The following LAMC1 variants were observed in gnomAD, a reference collection of about 807,000 sequenced individuals.
LAMC1 encodes the protein laminin subunit gamma 1, also known as laminin subunit gamma-1.
In LAMC1, 38 loss-of-function variants were observed where a neutral mutation model predicts 173.6. The ratio of observed to expected loss-of-function variants is 0.22; its 90% confidence interval spans 0.17 to 0.29. The LOEUF is 0.29. Among genes scored for constraint, LAMC1 ranks in the 10% least tolerant of loss-of-function variants. LAMC1 has a pLI of 1.00. For missense variants in LAMC1, 1,824 were observed against 2,051.8 expected, an observed-to-expected ratio of 0.89 and a Z score of 2.14; for synonymous variants, 746 against 749.1, an observed-to-expected ratio of 1.00 and a Z score of 0.07.
intron 1 of LAMC1, among the ~76,000 whole-genome samples, chr1:183,028,050 G>A (rs1653735528): frequency 6.6e-6 from 1 of 151,908 alleles, no homozygotes; most frequent in African/African-American, 2.4e-5. Flanking sequence ...CTGCTTTCCT[G>A]TTCTACAGTT....
chr1:183,028,791 C>T (rs372946589), intron 1 of LAMC1, among the ~76,000 whole-genome samples: 8 of 152,308 alleles, frequency 5.3e-5, no homozygotes, highest in African/African-American at 1.7e-4. Context: ...ATGCTGTTCA[C>T]GCTTCGTGGA....
chr1:183,103,746 A>G, intron 2 of LAMC1, 114 bp downstream of exon 2: 1 of 819,166 alleles, frequency 1.2e-6, no homozygotes, highest in South Asian at 2.2e-5. Flanking sequence ...TCAGAGTAGA[A>G]TACTTGAGCA....
chr1:183,059,541 C>T (rs1397507549), intron 1 of LAMC1, among the ~76,000 whole-genome samples: 1 of 152,116 alleles, frequency 6.6e-6, no homozygotes, highest in East Asian at 1.9e-4. Context: ...AATAACTAAC[C>T]CAGATTGTGT....
At chr1:183,095,859 A>T (rs976931888) in intron 1 of LAMC1, among the ~76,000 whole-genome samples, 1 of 152,226 alleles carries the variant, frequency 6.6e-6, no homozygotes, top group African/African-American at 2.4e-5. Flanking sequence ...TGTGCAGATT[A>T]GGATGAATTT....
At chr1:183,034,107 TA>T (rs1307468543) in intron 1 of LAMC1, among the ~76,000 whole-genome samples, 12 of 152,192 alleles carry the variant, frequency 7.9e-5, no homozygotes, top group African/African-American at 2.9e-4. Flanking sequence ...ACAAAGGACT[TA>T]TGTAAATAAG....
In LAMC1 at chr1:183,048,145, TG is replaced by T. The variant is rs1239370587; in HGVS notation, c.418+24012del. Among the ~76,000 whole-genome samples, 21 of 152,218 alleles carry T rather than the reference TG, an allele frequency of 1.4e-4. 1 individual carries two copies. Among genetic ancestry groups the T allele is most frequent in the Non-Finnish European group, 2.5e-4 (17 of 68,038 alleles). On this transcript the variant is annotated intron_variant, in intron 1 of 27. Transcript: ENST00000258341. ...TGTAAATAAAAGTGTTGATAGTAGC[TG>T]AAATTTTGAAATTTGCTTTCAACCA... is the stretch of plus-strand genomic sequence containing the variant.
At chr1:183,067,775 C>T (rs1654912144) in intron 1 of LAMC1, among the ~76,000 whole-genome samples, 1 of 152,180 alleles carries the variant, frequency 6.6e-6, no homozygotes, top group African/African-American at 2.4e-5. Context: ...CAGATGTGAG[C>T]CACCACGCCT....
chr1:183,097,540 T>C (rs916118331), intron 1 of LAMC1, among the ~76,000 whole-genome samples: 2 of 152,274 alleles, frequency 1.3e-5, no homozygotes, highest in African/African-American at 2.4e-5. Flanking sequence ...AAGATCCTTA[T>C]GGAATTTTTC....
At chr1:183,120,058 A>G (rs1213405843) in intron 11 of LAMC1, among the ~76,000 whole-genome samples, 1 of 150,466 alleles carries the variant, frequency 6.6e-6, no homozygotes, top group Non-Finnish European at 1.5e-5. Flanking sequence ...GGTCCTAGCT[A>G]CCTCGGAGGC....
At chr1:183,083,350 C>T (rs750854096) in intron 1 of LAMC1, among the ~76,000 whole-genome samples, 27 of 152,144 alleles carry the variant, frequency 1.8e-4, no homozygotes, top group Non-Finnish European at 3.4e-4. Context: ...AGGCATCCTT[C>T]CATCTGGGTG....
chr1:183,040,093 A>G (rs534936322), intron 1 of LAMC1, among the ~76,000 whole-genome samples: 4 of 152,320 alleles, frequency 2.6e-5, no homozygotes, highest in African/African-American at 4.8e-5. Context: ...GTGGTTTTCA[A>G]TTATGAAATG....
chr1:183,077,152 A>G (rs942251942), intron 1 of LAMC1, among the ~76,000 whole-genome samples: 1 of 152,204 alleles, frequency 6.6e-6, no homozygotes, highest in East Asian at 1.9e-4. Context: ...CTCAAACCCA[A>G]CTTGCCCCTG....
At chr1:183,126,353 GCCACT>G in intron 16 of LAMC1, 91 bp downstream of exon 16, 4 of 1,339,698 alleles carry the variant, frequency 3.0e-6, no homozygotes, top group Non-Finnish European at 3.1e-6. Context: ...CCTCAGTCTA[GCCACT>G]TGACTCATAG....
chr1:183,124,512 C>A, intron 13 of LAMC1, 119 bp from the exon 14 acceptor site: 1 of 1,246,506 alleles, frequency 8.0e-7, no homozygotes, highest in Non-Finnish European at 1.1e-6. Context: ...CTCTGCCCTC[C>A]ACTGCACCAT....
intron 1 of LAMC1, among the ~76,000 whole-genome samples, chr1:183,098,711 G>A (rs542485393): frequency 1.3e-5 from 2 of 152,072 alleles, no homozygotes; most frequent in Admixed American, 6.6e-5. Flanking sequence ...TCACTACACA[G>A]AAAAAAAGTC....
intron 1 of LAMC1, among the ~76,000 whole-genome samples, chr1:183,074,958 C>T (rs1272198809): frequency 1.3e-5 from 2 of 152,118 alleles, no homozygotes; most frequent in Middle Eastern, 3.2e-3. Flanking sequence ...GACACAACCT[C>T]AATCCCACTT....
rs565395234 is a variant in LAMC1, at chr1:183,103,754, G to A, written c.723+122G>A. The A allele has an allele frequency of 1.7e-4, 126 of 762,376 alleles. 2 individuals carry two copies. In the South Asian group the frequency reaches 2.8e-3, roughly 17 times the overall value. 47.2% of individuals were successfully genotyped at this position (762,376 alleles called of 1,614,324 possible). On this transcript the variant is annotated intron_variant, in intron 2 of 27. Transcript: ENST00000258341. ...TACGGGGTCAGAGTAGAATACTTGA[G>A]CAACACAGACAGAGAGCTTGATTCT...
chr1:183,089,547 C>T (rs1199348001), intron 1 of LAMC1, among the ~76,000 whole-genome samples: 1 of 152,108 alleles, frequency 6.6e-6, no homozygotes, highest in African/African-American at 2.4e-5. Context: ...TATTTATCTG[C>T]CAAACTCTTT....
intron 1 of LAMC1, among the ~76,000 whole-genome samples, chr1:183,090,763 T>A (rs557010490): frequency 1.3e-5 from 2 of 152,150 alleles, no homozygotes; most frequent in Non-Finnish European, 2.9e-5. Flanking sequence ...ACTTGAGTAA[T>A]CAGTTTCCCC....
Sources: gnomAD v4.1 joint callset for allele counts (sites outside exome capture counted in the v4.1 genomes callset) on GRCh38, gnomAD v4.1.1 for gene constraint, MANE v1.5 for transcripts, NCBI Gene and HGNC (gene_info 2026-07-23, HGNC 2026-07-21) for gene names.